Variants in PDZRN4 observed in about 807,000 individuals in gnomAD.
The protein encoded by PDZRN4 is PDZ domain containing ring finger 4.
PDZRN4 carries 70 observed loss-of-function variants against 99.0 expected under a neutral mutation model. That is an observed-to-expected ratio of 0.71 (90% CI 0.58 to 0.86). The LOEUF is 0.86. PDZRN4 is among the 40% of genes least tolerant of loss of function. The probability of loss-of-function intolerance (pLI) is 0.00; values close to 1 mark genes in which losing one functional copy is unlikely to be tolerated. For synonymous variants in PDZRN4, 551 were observed against 501.6 expected (o/e 1.10, Z -1.32); for missense variants, 1,474 against 1,331.2 (o/e 1.11, Z -1.67).
chr12:41,465,903 T>C (rs1952919888), intron 3 of PDZRN4, among the ~76,000 whole-genome samples: 2 of 152,226 alleles, frequency 1.3e-5, no homozygotes, highest in Non-Finnish European at 2.9e-5. Flanking sequence ...TTTTTTTTAA[T>C]AGCCTTGGTT....
chr12:41,536,461 C>T (rs892602594), intron 5 of PDZRN4, among the ~76,000 whole-genome samples: 2 of 152,104 alleles, frequency 1.3e-5, no homozygotes, highest in Non-Finnish European at 1.5e-5. Flanking sequence ...AGAGGGTTTT[C>T]AGGGCAGTGA....
intron 3 of PDZRN4, among the ~76,000 whole-genome samples, chr12:41,499,924 C>T (rs1456304713): frequency 4.6e-5 from 7 of 151,904 alleles, no homozygotes; most frequent in African/African-American, 1.2e-4. Flanking sequence ...CTGTTACATA[C>T]GTAAGCATTT....
At chr12:41,294,174 T>C (rs1158293274) in intron 3 of PDZRN4, among the ~76,000 whole-genome samples, 1 of 152,224 alleles carries the variant, frequency 6.6e-6, no homozygotes, top group Non-Finnish European at 1.5e-5. Context: ...TGTCCCCTTC[T>C]CTTTGCAGTG....
intron 3 of PDZRN4, among the ~76,000 whole-genome samples, chr12:41,439,994 A>C (rs1952664720): frequency 6.6e-6 from 1 of 152,156 alleles, no homozygotes; most frequent in Non-Finnish European, 1.5e-5. Context: ...GTGGTGCTGC[A>C]AACTAGTTTC....
rs575602307 is a variant in PDZRN4 at position 41,303,836 on chromosome 12, C to A, written c.843+109648C>A. On this transcript the variant is annotated intron_variant, in intron 3 of 9. Coordinates refer to ENST00000402685, the MANE Select transcript of PDZRN4 (RefSeq NM_001164595.2). ...TTCTGGATACATTAGGGGGCAGATT[C>A]TTTATTGTCACTCTGTGTGACTGCA... is the stretch of plus-strand genomic sequence containing the variant. 4.5e-4 allele frequency among the ~76,000 whole-genome samples: 68 copies of A among 152,278 alleles called. No individual in the cohort carries two copies. In the South Asian group the frequency reaches 0.012, roughly 28 times the overall value.
chr12:41,573,690 C>A lies in PDZRN4; in HGVS notation c.2911C>A (p.Leu971Ile). The stretch of plus-strand genomic sequence containing the variant: ...CATGATGCGAAGCAGGTTAGAGTGT[C>A]TCAAGGAGAGCCCTCAGAGCGGCAG... ...EFMMRSRLEC[L>I]KESPQSGSEG... is the part of the protein sequence containing the mutation. Residue 971 changes from leucine to isoleucine, a missense_variant, in exon 10 of 10, where the codon CTC (leucine) becomes ATC (isoleucine). Transcript: ENST00000402685. 6.2e-7 allele frequency: 1 copy of A among 1,613,920 alleles called. No homozygotes were observed. The highest frequency in any genetic ancestry group is 8.5e-7 in the Non-Finnish European group (1 of 1,179,970).
intron 3 of PDZRN4, among the ~76,000 whole-genome samples, chr12:41,302,715 C>T (rs1354920010): frequency 6.6e-6 from 1 of 151,960 alleles, no homozygotes; most frequent in Non-Finnish European, 1.5e-5. Context: ...ATGTCACAGC[C>T]TTGTAGAAAT....
intron 3 of PDZRN4, among the ~76,000 whole-genome samples, chr12:41,212,085 G>A (rs1261565069): frequency 6.6e-6 from 1 of 151,846 alleles, no homozygotes; most frequent in Non-Finnish European, 1.5e-5. Context: ...TGGTGAGAGG[G>A]CTGAATCTCA....
At chr12:41,353,533 A>G (rs1951905773) in intron 3 of PDZRN4, among the ~76,000 whole-genome samples, 1 of 152,106 alleles carries the variant, frequency 6.6e-6, no homozygotes, top group African/African-American at 2.4e-5. Context: ...ACCTAGTTGT[A>G]ATGAGACATG....
chr12:41,319,561 C>T (rs1035599246), intron 3 of PDZRN4, among the ~76,000 whole-genome samples: 1 of 152,112 alleles, frequency 6.6e-6, no homozygotes, highest in African/African-American at 2.4e-5. Flanking sequence ...CTCCACAGCA[C>T]CTTGGCACAA....
At chr12:41,565,396 C>T (rs1029584597) in intron 8 of PDZRN4, among the ~76,000 whole-genome samples, 5 of 149,646 alleles carry the variant, frequency 3.3e-5, no homozygotes, top group Non-Finnish European at 7.4e-5. Context: ...TAATACCATA[C>T]TTTTAAAATG....
intron 1 of PDZRN4, among the ~76,000 whole-genome samples, chr12:41,190,779 G>C (rs939695746): frequency 6.6e-5 from 10 of 152,156 alleles, no homozygotes; most frequent in Non-Finnish European, 1.2e-4. Context: ...TTCATCCTAT[G>C]TGTAAGTTAG....
At chr12:41,349,643 G>A (rs1003307151) in intron 3 of PDZRN4, among the ~76,000 whole-genome samples, 1 of 151,562 alleles carries the variant, frequency 6.6e-6, no homozygotes, top group East Asian at 1.9e-4. Flanking sequence ...CTCTATATTC[G>A]ACATCTATTG....
At chr12:41,499,238 G>T (rs1938068017) in intron 3 of PDZRN4, among the ~76,000 whole-genome samples, 1 of 152,082 alleles carries the variant, frequency 6.6e-6, no homozygotes, top group African/African-American at 2.4e-5. Context: ...CCTGGGTGAG[G>T]CAGGGGTGCC....
chr12:41,348,958 A>AT (rs1467174259), intron 3 of PDZRN4, among the ~76,000 whole-genome samples: 1 of 151,760 alleles, frequency 6.6e-6, no homozygotes, highest in Non-Finnish European at 1.5e-5. Context: ...GAATCTAAAT[A>AT]TTTTTCATAT....
intron 3 of PDZRN4, among the ~76,000 whole-genome samples, chr12:41,307,953 A>G (rs1951583214): frequency 6.6e-6 from 1 of 152,156 alleles, no homozygotes; most frequent in Non-Finnish European, 1.5e-5. Flanking sequence ...TGGAAGAAAA[A>G]GCAAAAACTA....
chr12:41,215,675 C>T (rs1950915736), intron 3 of PDZRN4, among the ~76,000 whole-genome samples: 1 of 151,842 alleles, frequency 6.6e-6, no homozygotes, highest in African/African-American at 2.4e-5. Context: ...TTGTTATATC[C>T]ACTTGAATTA....
At chr12:41,451,380 T>A (rs2264905) in intron 3 of PDZRN4, among the ~76,000 whole-genome samples, 80,079 of 152,022 alleles carry the variant, frequency 0.53, 21,815 homozygotes, top group African/African-American at 0.68. Flanking sequence ...AGTCTGTGAC[T>A]GCACATTTTT....
At chr12:41,520,393 T>C (rs1324660981) in intron 5 of PDZRN4, among the ~76,000 whole-genome samples, 2 of 152,022 alleles carry the variant, frequency 1.3e-5, no homozygotes, top group African/African-American at 4.8e-5. Flanking sequence ...CTGCACATGG[T>C]AGAATGATTG....
Sources: gnomAD v4.1 joint callset for allele counts (sites outside exome capture counted in the v4.1 genomes callset) on GRCh38, gnomAD v4.1.1 for gene constraint, MANE v1.5 for transcripts, NCBI Gene and HGNC (gene_info 2026-07-23, HGNC 2026-07-21) for gene names.